The following MSANTD2 variants were observed in gnomAD, a reference collection of about 807,000 sequenced individuals.
MSANTD2 encodes myb/SANT-like DNA-binding domain-containing protein 2.
Under a neutral mutation model 52.6 loss-of-function variants are expected in MSANTD2, and 19 were observed. The ratio of observed to expected loss-of-function variants is 0.36; its 90% CI spans 0.25 to 0.53. MSANTD2 has a LOEUF of 0.53. Ranked by LOEUF, MSANTD2 falls within the 20% of genes least tolerant of loss-of-function variation. The pLI is 0.91. For missense variants in MSANTD2, 558 were observed against 716.3 expected (o/e 0.78, Z 2.52); for synonymous variants, 291 against 289.7 (o/e 1.00, Z -0.04).
At chr11:124,770,601 G>A (rs1944478694) in intron 3 of MSANTD2, among the ~76,000 whole-genome samples, 1 of 151,944 alleles carries the variant, frequency 6.6e-6, no homozygotes, top group African/African-American at 2.4e-5. Context: ...GCTTTGCCTT[G>A]TAATAACTCA....
At chr11:124,789,251 T>G (rs1430445519) in intron 1 of MSANTD2, 2 of 152,240 alleles carry the variant, frequency 1.3e-5, no homozygotes. Context: ...TTTGGGTAGA[T>G]ATGAACTTTT....
At chr11:124,795,202 C>G (rs1409796937) in intron 1 of MSANTD2, among the ~76,000 whole-genome samples, 1 of 152,128 alleles carries the variant, frequency 6.6e-6, no homozygotes, top group Non-Finnish European at 1.5e-5. Context: ...TTAAATTTGT[C>G]TGATGAGCGA....
rs1252743464 is a variant in MSANTD2 at position 124,800,129 on chromosome 11, A to G, written c.252T>C (p.Pro84=). 3.4e-6 allele frequency: 5 copies of G among 1,480,714 alleles called. No homozygotes were observed. The highest frequency in any genetic ancestry group is 4.4e-6 in the Non-Finnish European group (5 of 1,125,008). The allele number at this position is 1,480,714 out of a possible 1,614,324, so 91.7% of individuals were successfully genotyped here. The change falls in exon 1 of 4, where the codon CCT becomes CCC. Residue 84 remains proline, a synonymous_variant. Coordinates refer to ENST00000374979, the MANE Select transcript of MSANTD2 (RefSeq NM_001308027.2). The surrounding 1 kb of genome is among the most constrained non-coding windows in gnomAD (Gnocchi z 4.3). ...SAASSSVSFS[P]GGGGGGAAAA... ...CCGCAGCCCCGCCACCGCCGCCACCAGGGGAGAAGGAGACCGAGGACGAGG... is the reference window on the plus strand; with the variant it reads ...CCGCAGCCCCGCCACCGCCGCCACCGGGGGAGAAGGAGACCGAGGACGAGG...
chr11:124,783,180 G>C (rs1945041038), intron 1 of MSANTD2, among the ~76,000 whole-genome samples: 1 of 152,168 alleles, frequency 6.6e-6, no homozygotes, highest in Non-Finnish European at 1.5e-5. Context: ...CCTCTCTGGA[G>C]CCTCAGTCTT....
At chr11:124,771,827 A>T (rs1944535332) in intron 3 of MSANTD2, among the ~76,000 whole-genome samples, 1 of 152,184 alleles carries the variant, frequency 6.6e-6, no homozygotes, top group African/African-American at 2.4e-5. Flanking sequence ...CCTCTTCTCT[A>T]CCATCTCTCA....
At chr11:124,776,486 G>A (rs1944750078) in intron 1 of MSANTD2, among the ~76,000 whole-genome samples, 2 of 151,080 alleles carry the variant, frequency 1.3e-5, no homozygotes, top group African/African-American at 2.4e-5. Context: ...TAGTAGAGAC[G>A]GGGTTTCTCC....
rs1944867750 is a variant in MSANTD2 at position 124,779,429 on chromosome 11, T to C, written c.511-4455A>G. 6.6e-6 allele frequency among the ~76,000 whole-genome samples: 1 copy of C among 152,240 alleles called. No homozygotes were observed. Among genetic ancestry groups the C allele is most frequent in the African/African-American group, 2.4e-5 (1 of 41,460 alleles). On this transcript the variant is annotated intron_variant, in intron 1 of 3. Transcript: ENST00000374979. This position sits in a 1 kb window ranked among gnomAD's most constrained non-coding sequence, Gnocchi z 4.6. ...AATTCCAGTATTGGCTTAATAATTT[T>C]CTCAAAGTTTGCCCCATTTCATACA...
chr11:124,772,351 ATC>A (rs1345317974), intron 3 of MSANTD2, among the ~76,000 whole-genome samples: 1 of 152,340 alleles, frequency 6.6e-6, no homozygotes, highest in Non-Finnish European at 1.5e-5. Flanking sequence ...CCAAAAACAC[ATC>A]TGTTTTCCTG....
intron 1 of MSANTD2, chr11:124,791,304 C>CT: frequency 1.4e-6 from 2 of 1,440,294 alleles, no homozygotes; most frequent in South Asian, 2.3e-5. Flanking sequence ...GTCCCTGTGG[C>CT]TGGAGGGTCT....
intron 1 of MSANTD2, among the ~76,000 whole-genome samples, chr11:124,778,600 G>A (rs1187751255): frequency 6.6e-6 from 1 of 152,056 alleles, no homozygotes; most frequent in Non-Finnish European, 1.5e-5. Context: ...TCAACCCAGA[G>A]GAGTTCATGG....
intron 1 of MSANTD2, among the ~76,000 whole-genome samples, chr11:124,793,663 G>C (rs1319329344): frequency 1.3e-5 from 2 of 152,204 alleles, no homozygotes; most frequent in East Asian, 1.9e-4. Flanking sequence ...TGCAAATTCA[G>C]AACACTTCCA....
chr11:124,784,453 T>G lies in MSANTD2; in HGVS notation c.511-9479A>C, dbSNP rs141245858. On this transcript the variant is annotated intron_variant, in intron 1 of 3. Transcript: ENST00000374979. The stretch of plus-strand genomic sequence containing the variant: ...AACACCCTCCACTACGAACTAATTA[T>G]TCCATGGACAACCATGTCTAAAAAT... 14 of 982,692 alleles carry G rather than the reference T, an allele frequency of 1.4e-5. No individual in the cohort carries two copies. In the East Asian group the frequency reaches 1.6e-3, roughly 113 times the overall value. The allele number at this position is 982,692 out of a possible 1,614,324, so 60.9% of individuals were successfully genotyped here.
At chr11:124,787,529 C>T (rs767216869) in intron 1 of MSANTD2, among the ~76,000 whole-genome samples, 4 of 152,110 alleles carry the variant, frequency 2.6e-5, no homozygotes, top group Non-Finnish European at 5.9e-5. Flanking sequence ...TATAGGTGTG[C>T]ACCACCAAAC....
chr11:124,797,132 A>G (rs1945520532), intron 1 of MSANTD2, among the ~76,000 whole-genome samples: 1 of 152,206 alleles, frequency 6.6e-6, no homozygotes, highest in South Asian at 2.1e-4. Flanking sequence ...ATTATTGAAT[A>G]ATACTGCTGC....
intron 1 of MSANTD2, among the ~76,000 whole-genome samples, chr11:124,780,449 C>G (rs897736962): frequency 6.6e-5 from 10 of 152,220 alleles, no homozygotes; most frequent in Admixed American, 5.2e-4. Context: ...CTTACTGCTA[C>G]AGAACAAGTT....
intron 2 of MSANTD2, among the ~76,000 whole-genome samples, chr11:124,773,576 T>C (rs560543576): frequency 3.9e-5 from 6 of 152,238 alleles, no homozygotes; most frequent in Non-Finnish European, 8.8e-5. Context: ...TCTACCCCTT[T>C]TATTCTTCTA....
intron 1 of MSANTD2, among the ~76,000 whole-genome samples, chr11:124,798,209 G>A (rs1281489624): frequency 1.5e-5 from 2 of 135,762 alleles, no homozygotes; most frequent in Non-Finnish European, 3.1e-5. Flanking sequence ...AAACCAGCCT[G>A]AGCAACGTAG....
intron 1 of MSANTD2, chr11:124,789,333 GAGAC>G (rs1347044274): frequency 3.9e-5 from 6 of 152,134 alleles, no homozygotes; most frequent in Admixed American, 1.3e-4. Context: ...AGATAGTAGA[GAGAC>G]AGTACTGTAA....
intron 1 of MSANTD2, among the ~76,000 whole-genome samples, chr11:124,799,549 C>G (rs933862102): frequency 2.0e-5 from 3 of 152,194 alleles, no homozygotes; most frequent in Non-Finnish European, 2.9e-5. Flanking sequence ...GCGGTGGGGG[C>G]AAGAGGCGCC....
Sources: allele counts gnomAD v4.1 joint callset (sites outside exome capture counted in the v4.1 genomes callset), GRCh38; gene constraint gnomAD v4.1.1; non-coding constraint Gnocchi (gnomAD v3.1); transcripts MANE v1.5; gene names NCBI Gene and HGNC (gene_info 2026-07-23, HGNC 2026-07-21).